Variants in PDE11A observed in about 807,000 individuals in gnomAD.
The protein encoded by PDE11A is dual 3',5'-cyclic-AMP and -GMP phosphodiesterase 11A.
In PDE11A, 100 loss-of-function variants were observed where a neutral mutation model predicts 100.5. That is an observed-to-expected ratio of 1.00 (90% CI 0.85 to 1.18). The LOEUF (loss-of-function observed/expected upper bound fraction) is 1.18, where lower values mean the gene tolerates loss of function less well. Among genes scored for constraint, PDE11A ranks in the 50% most tolerant of loss-of-function variants. The probability of loss-of-function intolerance (pLI) is 0.00; values close to 1 mark genes in which losing one functional copy is unlikely to be tolerated. For synonymous variants in PDE11A, 381 were observed against 420.8 expected (o/e 0.91, Z 1.16); for missense variants, 1,141 against 1,152.6 (o/e 0.99, Z 0.15).
At chr2:177,966,420 G>A (rs1003792239) in intron 2 of PDE11A, among the ~76,000 whole-genome samples, 2 of 152,118 alleles carry the variant, frequency 1.3e-5, no homozygotes, top group African/African-American at 4.8e-5. Context: ...TTGTCTTGCT[G>A]TAGTTCTCAA....
At chr2:177,645,577 A>G (rs977756801) in intron 19 of PDE11A, among the ~76,000 whole-genome samples, 20 of 152,174 alleles carry the variant, frequency 1.3e-4, no homozygotes, top group African/African-American at 4.6e-4. Flanking sequence ...TTTATTTTTT[A>G]CTAGGAGCTA....
intron 4 of PDE11A, among the ~76,000 whole-genome samples, chr2:177,894,604 C>A (rs1373780548): frequency 6.6e-6 from 1 of 152,114 alleles, no homozygotes; most frequent in Non-Finnish European, 1.5e-5. Context: ...AGTTCATACA[C>A]AGCTGAGCAG....
chr2:177,640,111 C>G (rs550704881), intron 19 of PDE11A, among the ~76,000 whole-genome samples: 42 of 152,242 alleles, frequency 2.8e-4, no homozygotes, highest in African/African-American at 1.0e-3. Context: ...TTTGCCTTCT[C>G]TCACCCCCAC....
At chr2:177,945,018 C>T (rs1203711831) in intron 2 of PDE11A, among the ~76,000 whole-genome samples, 6 of 149,216 alleles carry the variant, frequency 4.0e-5, no homozygotes, top group Admixed American at 4.0e-4. Context: ...GACGGGGTTT[C>T]GCTGTGTTGG....
chr2:178,038,582 T>C (rs1331209546), intron 1 of PDE11A, among the ~76,000 whole-genome samples: 1 of 152,018 alleles, frequency 6.6e-6, no homozygotes, highest in East Asian at 1.9e-4. Context: ...GCCAATGACA[T>C]GGACCAGTAC....
chr2:177,786,532 G>A (rs1485679819), intron 9 of PDE11A, among the ~76,000 whole-genome samples: 3 of 152,210 alleles, frequency 2.0e-5, no homozygotes, highest in Non-Finnish European at 4.4e-5. Flanking sequence ...AACAAAGCTG[G>A]ACGGAGAATG....
At chr2:178,073,160 T>G, upstream of PDE11A, 1 of 722,462 alleles carries the variant, frequency 1.4e-6, no homozygotes, top group Non-Finnish European at 1.7e-6. Context: ...AGAAGCGGAC[T>G]CCGAGGAATC....
chr2:177,767,644 T>A (rs958607119), intron 10 of PDE11A, among the ~76,000 whole-genome samples: 4 of 152,070 alleles, frequency 2.6e-5, no homozygotes, highest in African/African-American at 9.7e-5. Flanking sequence ...ATACATTAAG[T>A]AAAATTTATA....
At chr2:177,665,370 C>T (rs2080555721) in intron 18 of PDE11A, among the ~76,000 whole-genome samples, 1 of 149,940 alleles carries the variant, frequency 6.7e-6, no homozygotes, top group African/African-American at 2.5e-5. Flanking sequence ...GTCTCAGCTA[C>T]TCAGGAGGCT....
At chr2:178,104,510 A>T (rs557263153) in intron 1 of PDE11A, 13 of 1,555,654 alleles carry the variant, frequency 8.4e-6, no homozygotes, top group South Asian at 3.4e-5. Flanking sequence ...AAACCAAAAA[A>T]ATATATATAT....
intron 9 of PDE11A, among the ~76,000 whole-genome samples, chr2:177,781,022 A>G (rs374260819): frequency 6.6e-6 from 1 of 152,226 alleles, no homozygotes; most frequent in Non-Finnish European, 1.5e-5. Flanking sequence ...CTTTCAGCCT[A>G]TCTCACCTTT....
chr2:177,984,809 G>A (rs934742079), intron 2 of PDE11A, among the ~76,000 whole-genome samples: 4 of 152,202 alleles, frequency 2.6e-5, no homozygotes, highest in African/African-American at 9.7e-5. Flanking sequence ...CTACTAAGTA[G>A]CAGAGCTAAG....
chr2:177,699,444 A>T (rs1163941764), intron 14 of PDE11A, among the ~76,000 whole-genome samples: 1 of 152,242 alleles, frequency 6.6e-6, no homozygotes, highest in Non-Finnish European at 1.5e-5. Context: ...AATGCTATTT[A>T]CAGCTAAGAG....
chr2:177,719,821 C>T (rs374825427), intron 12 of PDE11A, among the ~76,000 whole-genome samples: 11 of 152,172 alleles, frequency 7.2e-5, no homozygotes, highest in African/African-American at 2.6e-4. Flanking sequence ...CAAAAAAGTG[C>T]TCTTTGAAGG....
chr2:178,039,497 A>T (rs1317710407), intron 1 of PDE11A, among the ~76,000 whole-genome samples: 1 of 152,130 alleles, frequency 6.6e-6, no homozygotes, highest in Non-Finnish European at 1.5e-5. Context: ...TTACCTATAT[A>T]ACAAACCTTT....
intron 15 of PDE11A, among the ~76,000 whole-genome samples, chr2:177,685,114 A>G (rs2080924219): frequency 6.6e-6 from 1 of 152,202 alleles, no homozygotes; most frequent in African/African-American, 2.4e-5. Context: ...CTTAATACCT[A>G]CAACAATGCC....
At chr2:177,749,409 T>C (rs1329300044) in intron 10 of PDE11A, among the ~76,000 whole-genome samples, 6 of 152,194 alleles carry the variant, frequency 3.9e-5, no homozygotes, top group African/African-American at 1.4e-4. Context: ...TTTTTATACT[T>C]TCTTTATATA....
chr2:177,791,352 A>G (rs1473848314), intron 9 of PDE11A, among the ~76,000 whole-genome samples: 1 of 136,270 alleles, frequency 7.3e-6, no homozygotes, highest in Non-Finnish European at 1.5e-5. Context: ...ACACGTGGAC[A>G]CAGGAAGGGG....
intron 9 of PDE11A, among the ~76,000 whole-genome samples, chr2:177,814,533 C>A (rs772062369): frequency 6.6e-5 from 10 of 152,074 alleles, no homozygotes; most frequent in African/African-American, 1.9e-4. Context: ...AGCAAGATGG[C>A]AACACCATAA....
Sources: allele counts gnomAD v4.1 joint callset (sites outside exome capture counted in the v4.1 genomes callset), GRCh38; gene constraint gnomAD v4.1.1; transcripts MANE v1.5; gene names NCBI Gene and HGNC (gene_info 2026-07-23, HGNC 2026-07-21).